Variants in UGT1A8 observed in about 807,000 individuals in gnomAD.
The protein encoded by UGT1A8 is UDP-glucuronosyltransferase 1A8.
Under a neutral mutation model 45.3 loss-of-function variants are expected in UGT1A8, and 39 were observed. The observed-to-expected ratio is 0.86, with a 90% CI of 0.67 to 1.12. The LOEUF (loss-of-function observed/expected upper bound fraction) is 1.12. UGT1A8 is among the 50% of genes most tolerant of loss of function. The pLI is 0.00. For missense variants in UGT1A8, 719 were observed against 664.9 expected (o/e 1.08, Z -0.90); for synonymous variants, 275 against 249.2 (o/e 1.10, Z -0.97).
In UGT1A8 at chr2:233,772,305, C is replaced by T. The variant is rs201427749; in HGVS notation, c.1339C>T (p.Arg447Cys). Reference protein sequence around the residue: ...IMRLSSLHKDRPVEPLDLAVF... With the variant: ...IMRLSSLHKDCPVEPLDLAVF... Reference sequence around the variant, plus strand: ...GCGCCTCTCCAGCCTTCACAAGGACCGCCCGGTGGAGCCGCTGGACCTGGC... The same window carrying T: ...GCGCCTCTCCAGCCTTCACAAGGACTGCCCGGTGGAGCCGCTGGACCTGGC... Residue 447 changes from arginine to cysteine, a missense_variant, in exon 5 of 5, where the codon CGC (arginine) becomes TGC (cysteine). Physicochemically the swap from Arg to Cys is radical, Grantham distance 180. Transcript: ENST00000373450. 2.9e-5 allele frequency: 47 copies of T among 1,614,194 alleles called. No individual in the cohort carries two copies. Among genetic ancestry groups the T allele is most frequent in the Middle Eastern group, 1.6e-4 (1 of 6,062 alleles).
intron 1 of UGT1A8, among the ~76,000 whole-genome samples, chr2:233,709,459 C>T (rs2076078032): frequency 6.6e-6 from 1 of 152,164 alleles, no homozygotes; most frequent in African/African-American, 2.4e-5. Flanking sequence ...TTAAAGCAAT[C>T]ATTTTGGGGC....
intron 1 of UGT1A8, among the ~76,000 whole-genome samples, chr2:233,623,534 A>AT (rs2073048059): frequency 6.6e-6 from 1 of 152,140 alleles, no homozygotes; most frequent in Non-Finnish European, 1.5e-5. Context: ...TTGGCATGTC[A>AT]TTCCATCACC....
intron 1 of UGT1A8, among the ~76,000 whole-genome samples, chr2:233,730,802 A>T (rs1344398093): frequency 1.3e-5 from 2 of 152,196 alleles, no homozygotes; most frequent in Non-Finnish European, 2.9e-5. Flanking sequence ...ATGAATGGAC[A>T]TGCGTCCAAG....
rs143907483 is a variant in UGT1A8 at position 233,715,103 on chromosome 2, C to G, written c.856-51931C>G. 2.9e-3 allele frequency among the ~76,000 whole-genome samples: 442 copies of G among 152,202 alleles called. 2 individuals carry two copies. The highest frequency in any genetic ancestry group is 5.0e-3 in the Non-Finnish European group (340 of 68,020). On this transcript the variant is annotated intron_variant, in intron 1 of 4. Coordinates refer to ENST00000373450, the MANE Select transcript of UGT1A8 (RefSeq NM_019076.5). The stretch of plus-strand genomic sequence containing the variant: ...GTTTCATCATATTGGCCAGGCTGAT[C>G]TCAAATGCCTGATCTCAAGTGATTC...
intron 1 of UGT1A8, chr2:233,693,126 G>C: frequency 6.2e-7 from 1 of 1,614,224 alleles, no homozygotes; most frequent in East Asian, 2.2e-5. Flanking sequence ...CACTGGCTTA[G>C]TATGAAGGAT....
intron 1 of UGT1A8, among the ~76,000 whole-genome samples, chr2:233,655,913 T>C (rs1004609177): frequency 2.0e-5 from 3 of 152,188 alleles, no homozygotes; most frequent in Non-Finnish European, 4.4e-5. Context: ...CTTTTACACC[T>C]CTGATCACTG....
intron 1 of UGT1A8, among the ~76,000 whole-genome samples, chr2:233,759,862 C>CG (rs1187070955): frequency 6.6e-6 from 1 of 152,064 alleles, no homozygotes; most frequent in African/African-American, 2.4e-5. Context: ...ATGGCGAAAG[C>CG]GGGGGTACAG....
At chr2:233,688,761 C>T (rs1179543054) in intron 1 of UGT1A8, among the ~76,000 whole-genome samples, 1 of 152,092 alleles carries the variant, frequency 6.6e-6, no homozygotes, top group Non-Finnish European at 1.5e-5. Context: ...ATCAAATGAA[C>T]ATGGCTTTGC....
chr2:233,703,579 A>G (rs2075744144), intron 1 of UGT1A8, among the ~76,000 whole-genome samples: 2 of 151,928 alleles, frequency 1.3e-5, no homozygotes, highest in South Asian at 4.1e-4. Context: ...TAAGGTCTAT[A>G]TTATCTTGCT....
At chr2:233,719,651 G>A (rs776482882) in intron 1 of UGT1A8, 1 of 1,614,068 alleles carries the variant, frequency 6.2e-7, no homozygotes, top group Non-Finnish European at 8.5e-7. Flanking sequence ...TCTTCATTGG[G>A]GGCATCAACT....
intron 1 of UGT1A8, among the ~76,000 whole-genome samples, chr2:233,645,894 C>G (rs1011172036): frequency 6.6e-6 from 1 of 152,232 alleles, no homozygotes; most frequent in Non-Finnish European, 1.5e-5. Flanking sequence ...GGCAGTCCCC[C>G]AGTTGTTGCT....
chr2:233,693,250 T>C lies in UGT1A8; in HGVS notation c.856-73784T>C, dbSNP rs139492272. The C allele has an allele frequency of 2.5e-6, 4 of 1,614,198 alleles. No individual in the cohort carries two copies. The African/African-American group carries it at 4.0e-5, about 16-fold the overall frequency. On this transcript the variant is annotated intron_variant, in intron 1 of 4. Coordinates refer to ENST00000373450, the MANE Select transcript of UGT1A8 (RefSeq NM_019076.5). ...CAAGAAAAATCTATCCAGTGCCGTA[T>C]GACCAAGAAGAGCTGAAGAACCGTT...
At chr2:233,672,381 T>A in intron 1 of UGT1A8, 1 of 1,614,168 alleles carries the variant, frequency 6.2e-7, no homozygotes, top group Non-Finnish European at 8.5e-7. Context: ...TTCTCGATCC[T>A]TTTGATAACT....
chr2:233,706,288 G>GT (rs143392067), intron 1 of UGT1A8, among the ~76,000 whole-genome samples: 2,206 of 152,350 alleles, frequency 0.014, 39 homozygotes, highest in South Asian at 0.042. Flanking sequence ...GTGGGGCCCA[G>GT]TGCCAGGTAC....
intron 1 of UGT1A8, among the ~76,000 whole-genome samples, chr2:233,662,363 A>G (rs2073990635): frequency 6.6e-6 from 1 of 152,202 alleles, no homozygotes; most frequent in African/African-American, 2.4e-5. Context: ...ATTTGTTGCA[A>G]ATCTCCATAA....
In UGT1A8 at chr2:233,772,505, A is replaced by T. The variant is rs772037816; in HGVS notation, c.1539A>T (p.Lys513Asn). 13 of 1,614,204 alleles carry T rather than the reference A, an allele frequency of 8.1e-6. No individual in the cohort carries two copies. Among genetic ancestry groups the T allele is most frequent in the South Asian group, 1.1e-5 (1 of 91,082 alleles). ...TFKCCAYGYR[K>N]CLGKKGRVKK... is the part of the protein sequence containing the mutation. ...AATGTTGTGCTTATGGCTACCGGAA[A>T]TGCTTGGGGAAAAAAGGGCGAGTTA... The change falls in exon 5 of 5, where the codon AAA (lysine) becomes AAT (asparagine). Residue 513 changes from lysine (K) to asparagine (N), a missense_variant. Transcript: ENST00000373450.
intron 1 of UGT1A8, among the ~76,000 whole-genome samples, chr2:233,620,865 C>T (rs370282160): frequency 6.6e-6 from 1 of 152,150 alleles, no homozygotes; most frequent in East Asian, 1.9e-4. Flanking sequence ...GAAAAGCATG[C>T]AGTTGGTTAC....
At chr2:233,700,561 A>G (rs968515143) in intron 1 of UGT1A8, among the ~76,000 whole-genome samples, 3 of 152,202 alleles carry the variant, frequency 2.0e-5, no homozygotes, top group African/African-American at 7.2e-5. Context: ...TTATAAAAAT[A>G]TAACTTTATT....
At chr2:233,681,544 A>C (rs1179963746) in intron 1 of UGT1A8, among the ~76,000 whole-genome samples, 1 of 151,970 alleles carries the variant, frequency 6.6e-6, no homozygotes, top group Non-Finnish European at 1.5e-5. Context: ...AAAAAAAAAA[A>C]AAAAAAAAAA....
Sources: allele counts gnomAD v4.1 joint callset (sites outside exome capture counted in the v4.1 genomes callset), GRCh38; gene constraint gnomAD v4.1.1; transcripts MANE v1.5; gene names NCBI Gene and HGNC (gene_info 2026-07-23, HGNC 2026-07-21).